Variants in MED12L observed in about 807,000 individuals in gnomAD.
MED12L encodes mediator of RNA polymerase II transcription subunit 12-like protein.
In MED12L, 60 loss-of-function variants were observed where a neutral mutation model predicts 281.3. The observed-to-expected ratio is 0.21, with a 90% CI of 0.17 to 0.26. The LOEUF (loss-of-function observed/expected upper bound fraction) is 0.26, where lower values mean the gene tolerates loss of function less well. Ranked by LOEUF, MED12L falls within the 10% of genes least tolerant of loss-of-function variation. MED12L has a pLI of 1.00. For synonymous variants in MED12L, 974 were observed against 987.2 expected, an observed-to-expected ratio of 0.99 and a Z score of 0.25; for missense variants, 2,146 against 2,680.9, an observed-to-expected ratio of 0.80 and a Z score of 4.41.
At chr3:151,367,567 T>C (rs559196218) in intron 23 of MED12L, 79 bp from the exon 24 acceptor site, 2 of 1,330,986 alleles carry the variant, frequency 1.5e-6, no homozygotes, top group South Asian at 1.6e-5. Context: ...TGGTATTGCC[T>C]GCATTCTCTT....
At chr3:151,108,743 C>T (rs1295089851) in intron 2 of MED12L, among the ~76,000 whole-genome samples, 4 of 152,036 alleles carry the variant, frequency 2.6e-5, no homozygotes, top group South Asian at 2.1e-4. Flanking sequence ...GGAGTTTCTG[C>T]GCATGTTCTG....
chr3:151,419,769 C>G (rs1177668440), intron 43 of MED12L, among the ~76,000 whole-genome samples: 5 of 152,146 alleles, frequency 3.3e-5, no homozygotes, highest in African/African-American at 1.2e-4. Context: ...GCACCAATCC[C>G]CAACCCAAAT....
At chr3:151,123,000 T>C in intron 4 of MED12L, 26 bp downstream of exon 4, 1 of 1,544,424 alleles carries the variant, frequency 6.5e-7, no homozygotes, top group Non-Finnish European at 8.8e-7. Context: ...TACATTGTTT[T>C]AGTTATGGTC....
At chr3:151,421,472 G>A (rs576179795) in intron 43 of MED12L, among the ~76,000 whole-genome samples, 10 of 151,842 alleles carry the variant, frequency 6.6e-5, no homozygotes, top group East Asian at 1.9e-4. Context: ...GTGCAGTGGC[G>A]CAATCTTGGC....
At chr3:151,324,539 CAATT>C (rs972037615) in intron 16 of MED12L, among the ~76,000 whole-genome samples, 6 of 152,218 alleles carry the variant, frequency 3.9e-5, no homozygotes, top group Non-Finnish European at 8.8e-5. Flanking sequence ...AGCCACGTCT[CAATT>C]AAAGCCCCAT....
At chr3:151,297,722 T>A (rs1745295130) in intron 16 of MED12L, among the ~76,000 whole-genome samples, 1 of 152,278 alleles carries the variant, frequency 6.6e-6, no homozygotes, top group African/African-American at 2.4e-5. Flanking sequence ...GTTCCATATA[T>A]CATTATAATA....
At chr3:151,416,248 A>G (rs1717534891) in intron 42 of MED12L, 64 bp from the exon 43 acceptor site, 6 of 1,611,896 alleles carry the variant, frequency 3.7e-6, no homozygotes, top group Non-Finnish European at 5.1e-6. Flanking sequence ...TATGGGGGAA[A>G]CAGATTCAGC....
intron 5 of MED12L, among the ~76,000 whole-genome samples, chr3:151,132,039 G>C (rs562845329): frequency 6.6e-6 from 1 of 152,196 alleles, no homozygotes; most frequent in East Asian, 1.9e-4. Flanking sequence ...GATTATTAAT[G>C]TATATTTAAA....
chr3:151,248,567 A>G (rs1160297905), intron 16 of MED12L, among the ~76,000 whole-genome samples: 1 of 152,044 alleles, frequency 6.6e-6, no homozygotes, highest in Non-Finnish European at 1.5e-5. Flanking sequence ...CTACCCACAT[A>G]CCCATCCGAC....
intron 31 of MED12L, among the ~76,000 whole-genome samples, chr3:151,379,371 A>ATTTGTC (rs1193131665): frequency 1.3e-5 from 2 of 152,162 alleles, no homozygotes; most frequent in African/African-American, 4.8e-5. Flanking sequence ...ATTTTAAGAA[A>ATTTGTC]TTTGTCTTTC....
chr3:151,377,901 G>C (rs372555916), intron 30 of MED12L, 111 bp from the exon 31 acceptor site: 1 of 1,061,194 alleles, frequency 9.4e-7, no homozygotes, highest in Non-Finnish European at 1.3e-6. Flanking sequence ...GGAAATTTTA[G>C]AACAGTCTGT....
intron 16 of MED12L, among the ~76,000 whole-genome samples, chr3:151,228,155 A>G (rs1403504262): frequency 6.6e-6 from 1 of 152,202 alleles, no homozygotes; most frequent in Non-Finnish European, 1.5e-5. Flanking sequence ...CTCTGTTGGA[A>G]TAGTGGACAG....
intron 11 of MED12L, among the ~76,000 whole-genome samples, chr3:151,176,407 T>G (rs1175435225): frequency 1.3e-5 from 2 of 152,198 alleles, no homozygotes; most frequent in Non-Finnish European, 2.9e-5. Flanking sequence ...TTCAAATATC[T>G]TTTGGAAATA....
At chr3:151,172,198 T>G (rs1166412575) in intron 11 of MED12L, among the ~76,000 whole-genome samples, 3 of 152,204 alleles carry the variant, frequency 2.0e-5, no homozygotes, top group Non-Finnish European at 4.4e-5. Context: ...TGTATTTCTT[T>G]AGGGACATTG....
Position 151,430,368 on chromosome 3 carries a change from A to G in MED12L, c.6478A>G (p.Lys2160Glu), listed in dbSNP as rs779853950. 6.2e-7 allele frequency: 1 copy of G among 1,614,104 alleles called. No homozygotes were observed. Among genetic ancestry groups the G allele is most frequent in the Non-Finnish European group, 8.5e-7 (1 of 1,179,988 alleles). ...QTAALVRQLQ[K>E]QLSSNQPQQG... ...GGCCGCCTTGGTGCGGCAGCTCCAGAAGCAGCTTTCCAGTAAGTACCCCTG... is the reference window on the plus strand; with the variant it reads ...GGCCGCCTTGGTGCGGCAGCTCCAGGAGCAGCTTTCCAGTAAGTACCCCTG... The change falls in exon 44 of 45, where the codon AAG (lysine) becomes GAG (glutamate). Residue 2160 changes from lysine to glutamate, a missense_variant. Physicochemically the swap from Lys to Glu is moderately conservative, Grantham distance 56. Around this residue, in one of 9 missense-constraint regions of MED12L, gnomAD observed 25 missense variants for 24.9 expected, o/e 1.00. Transcript: ENST00000687756.
intron 16 of MED12L, among the ~76,000 whole-genome samples, chr3:151,335,693 A>C (rs996167550): frequency 6.6e-6 from 1 of 152,198 alleles, no homozygotes; most frequent in Non-Finnish European, 1.5e-5. Flanking sequence ...TGTTTTATGT[A>C]TAATGATCCC....
At chr3:151,222,811 G>A (rs1325545234) in intron 16 of MED12L, among the ~76,000 whole-genome samples, 1 of 152,132 alleles carries the variant, frequency 6.6e-6, no homozygotes, top group Non-Finnish European at 1.5e-5. Context: ...ATTTAATAAA[G>A]GTGATGATGG....
At chr3:151,150,549 C>T (rs1718320637) in intron 5 of MED12L, among the ~76,000 whole-genome samples, 1 of 152,316 alleles carries the variant, frequency 6.6e-6, no homozygotes, top group African/African-American at 2.4e-5. Context: ...GGTTAGTCAT[C>T]AGCCATATCA....
At chr3:151,335,192 C>T (rs1311991217) in intron 16 of MED12L, among the ~76,000 whole-genome samples, 1 of 152,074 alleles carries the variant, frequency 6.6e-6, no homozygotes, top group Non-Finnish European at 1.5e-5. Flanking sequence ...ACTATAGTCA[C>T]CCTATTGTGC....
Sources: allele counts gnomAD v4.1 joint callset (sites outside exome capture counted in the v4.1 genomes callset), GRCh38; gene constraint gnomAD v4.1.1; regional missense constraint gnomAD v4.1.1; transcripts MANE v1.5; gene names NCBI Gene and HGNC (gene_info 2026-07-23, HGNC 2026-07-21).